EYS: variants seen among roughly 807,000 people sequenced by gnomAD.
The protein encoded by EYS is protein eyes shut homolog.
EYS carries 250 observed loss-of-function variants against 282.1 expected under a neutral mutation model. The ratio of observed to expected loss-of-function variants is 0.89; its 90% CI spans 0.80 to 0.98. The LOEUF is 0.98. Ranked by LOEUF, EYS falls within the 50% of genes least tolerant of loss-of-function variation. EYS has a pLI of 0.00. For missense variants in EYS, 4,016 were observed against 3,709.0 expected, an observed-to-expected ratio of 1.08 and a Z score of -2.15; for synonymous variants, 1,355 against 1,282.9, an observed-to-expected ratio of 1.06 and a Z score of -1.20.
At chr6:64,229,002 G>A (rs1766334857) in intron 31 of EYS, among the ~76,000 whole-genome samples, 1 of 152,178 alleles carries the variant, frequency 6.6e-6, no homozygotes, top group Non-Finnish European at 1.5e-5. Flanking sequence ...GCCAGTCACA[G>A]TGACTCACAT....
chr6:63,853,871 C>A (rs1772323763), intron 36 of EYS, among the ~76,000 whole-genome samples: 1 of 152,268 alleles, frequency 6.6e-6, no homozygotes, highest in East Asian at 1.9e-4. Context: ...CTGACAAAAA[C>A]AAGCAATGGG....
At chr6:64,792,514 C>T (rs950647694) in intron 22 of EYS, among the ~76,000 whole-genome samples, 4 of 151,866 alleles carry the variant, frequency 2.6e-5, no homozygotes, top group Admixed American at 2.6e-4. Context: ...CAGTACCAAG[C>T]TGTGAAGAGT....
At chr6:65,386,688 A>C (rs1765816312) in intron 7 of EYS, among the ~76,000 whole-genome samples, 1 of 151,972 alleles carries the variant, frequency 6.6e-6, no homozygotes, top group Non-Finnish European at 1.5e-5. Context: ...AAAGTGCATT[A>C]ACTTCTGTTG....
chr6:63,842,305 A>G (rs1771982058), intron 36 of EYS, among the ~76,000 whole-genome samples: 1 of 152,078 alleles, frequency 6.6e-6, no homozygotes, highest in South Asian at 2.1e-4. Context: ...TGGCATCCTA[A>G]CTGGTGTGAG....
At chr6:63,824,680 C>T (rs1414764542) in intron 36 of EYS, among the ~76,000 whole-genome samples, 1 of 152,158 alleles carries the variant, frequency 6.6e-6, no homozygotes, top group African/African-American at 2.4e-5. Flanking sequence ...GCCGAGTTTA[C>T]CTGGAGCCAA....
At chr6:65,518,220 A>G (rs983900506) in intron 2 of EYS, among the ~76,000 whole-genome samples, 1 of 152,108 alleles carries the variant, frequency 6.6e-6, no homozygotes, top group Non-Finnish European at 1.5e-5. Flanking sequence ...TTACTGTCCT[A>G]GAGTAGACTA....
intron 41 of EYS, among the ~76,000 whole-genome samples, chr6:63,733,941 T>A (rs1768843692): frequency 6.6e-6 from 1 of 152,060 alleles, no homozygotes; most frequent in Non-Finnish European, 1.5e-5. Flanking sequence ...ACAAACATAT[T>A]TGAAAAGATA....
intron 11 of EYS, among the ~76,000 whole-genome samples, chr6:65,299,632 A>C (rs1768761501): frequency 6.6e-6 from 1 of 152,188 alleles, no homozygotes; most frequent in Admixed American, 6.5e-5. Flanking sequence ...ATAATAATGC[A>C]AATATTTCTT....
intron 22 of EYS, among the ~76,000 whole-genome samples, chr6:64,690,361 C>T (rs548899946): frequency 1.6e-4 from 25 of 152,244 alleles, no homozygotes; most frequent in Admixed American, 5.2e-4. Context: ...GAAATTGGAA[C>T]GCTTTTACAC....
intron 35 of EYS, among the ~76,000 whole-genome samples, chr6:63,872,120 T>C (rs866340457): frequency 1.8e-4 from 28 of 152,204 alleles, no homozygotes; most frequent in African/African-American, 6.5e-4. Flanking sequence ...GCAGGAATTC[T>C]AGCAAGTTCA....
At chr6:64,216,599 T>C (rs1045580917) in intron 31 of EYS, among the ~76,000 whole-genome samples, 1 of 152,330 alleles carries the variant, frequency 6.6e-6, no homozygotes, top group Admixed American at 6.5e-5. Context: ...GCTTCCTTTA[T>C]ACAATTCCTG....
intron 12 of EYS, among the ~76,000 whole-genome samples, chr6:65,288,785 C>G (rs1768441546): frequency 6.6e-6 from 1 of 150,984 alleles, no homozygotes; most frequent in African/African-American, 2.4e-5. Context: ...TACATATGCA[C>G]ATATATGTGA....
chr6:64,592,067 G>A, intron 25 of EYS, 78 bp from the exon 26 acceptor site: 2 of 1,027,810 alleles, frequency 1.9e-6, no homozygotes, highest in Non-Finnish European at 2.7e-6. Flanking sequence ...ATAAATCTCA[G>A]GCAAATTGCA....
intron 12 of EYS, among the ~76,000 whole-genome samples, chr6:65,279,487 A>G (rs1274456200): frequency 6.6e-6 from 1 of 152,162 alleles, no homozygotes; most frequent in Admixed American, 6.5e-5. Context: ...TATATTTTTC[A>G]GTCTTCTCCA....
intron 35 of EYS, among the ~76,000 whole-genome samples, chr6:63,944,556 T>G (rs1765336242): frequency 6.6e-6 from 1 of 152,228 alleles, no homozygotes; most frequent in Non-Finnish European, 1.5e-5. Flanking sequence ...ATGCATTACC[T>G]AACACAGTTA....
At chr6:64,248,352 G>A (rs1039599974) in intron 30 of EYS, among the ~76,000 whole-genome samples, 7 of 152,142 alleles carry the variant, frequency 4.6e-5, no homozygotes. Flanking sequence ...ACTACACTCT[G>A]GTTTTAGCAT....
intron 26 of EYS, among the ~76,000 whole-genome samples, chr6:64,450,602 T>A (rs1245575902): frequency 6.6e-6 from 1 of 152,124 alleles, no homozygotes; most frequent in East Asian, 1.9e-4. Flanking sequence ...ACCACATACT[T>A]GGAAGTAAAG....
chr6:64,576,316 T>G (rs80323078), intron 26 of EYS, among the ~76,000 whole-genome samples: 3,294 of 152,180 alleles, frequency 0.022, 57 homozygotes, highest in Non-Finnish European at 0.035. Flanking sequence ...TCCATCTTTT[T>G]GGAGAATGAG....
At chr6:64,884,417 T>A (rs1767020798) in intron 19 of EYS, among the ~76,000 whole-genome samples, 1 of 151,558 alleles carries the variant, frequency 6.6e-6, no homozygotes, top group Non-Finnish European at 1.5e-5. Context: ...AGATGTATGA[T>A]CTTGAAAAAT....
Sources: gnomAD v4.1 joint callset for allele counts (sites outside exome capture counted in the v4.1 genomes callset) on GRCh38, gnomAD v4.1.1 for gene constraint, MANE v1.5 for transcripts, NCBI Gene and HGNC (gene_info 2026-07-23, HGNC 2026-07-21) for gene names.